The following TM9SF4 variants were observed in gnomAD, a reference collection of about 807,000 sequenced individuals.
The protein encoded by TM9SF4 is dinucleotide oxidase disulfide thiol exchanger 3 superfamily member 4.
In TM9SF4, 26 loss-of-function variants were observed where a neutral mutation model predicts 90.4. The observed-to-expected ratio is 0.29, with a 90% CI of 0.21 to 0.40. TM9SF4 has a LOEUF of 0.40. TM9SF4 is among the 10% of genes least tolerant of loss of function. The pLI, the probability that TM9SF4 is intolerant of heterozygous loss-of-function variation, is 1.00. For missense variants in TM9SF4, 549 were observed against 834.8 expected (o/e 0.66, Z 4.22); for synonymous variants, 293 against 315.4 (o/e 0.93, Z 0.75).
intron 3 of TM9SF4, 50 bp downstream of exon 3, chr20:32,136,223 G>A: frequency 6.4e-7 from 1 of 1,551,572 alleles, no homozygotes; most frequent in African/African-American, 1.4e-5. Context: ...GGGGAACCCA[G>A]CATGATTTTT....
At chr20:32,118,643 ATTTT>A (rs1254859888) in intron 1 of TM9SF4, among the ~76,000 whole-genome samples, 2 of 116,604 alleles carry the variant, frequency 1.7e-5, no homozygotes, top group Non-Finnish European at 3.7e-5. Context: ...TTATTTATTT[ATTTT>A]TATTTTGAGA....
At chr20:32,121,851 C>T (rs1440968304) in intron 1 of TM9SF4, among the ~76,000 whole-genome samples, 23 of 150,162 alleles carry the variant, frequency 1.5e-4, no homozygotes, top group Non-Finnish European at 2.8e-4. Context: ...CCACCTCCCT[C>T]CCGGACGGGG....
intron 2 of TM9SF4, among the ~76,000 whole-genome samples, chr20:32,134,216 T>TG (rs2046562701): frequency 6.6e-6 from 1 of 152,132 alleles, no homozygotes; most frequent in African/African-American, 2.4e-5. Context: ...AGAGCTGCTC[T>TG]GGCTTCCAGT....
At chr20:32,110,244 C>T (rs897815050) in intron 1 of TM9SF4, among the ~76,000 whole-genome samples, 5 of 152,096 alleles carry the variant, frequency 3.3e-5, no homozygotes, top group Admixed American at 6.6e-5. Flanking sequence ...AGAGCCCTGT[C>T]CTCACTTACA....
intron 6 of TM9SF4, among the ~76,000 whole-genome samples, chr20:32,143,841 C>T (rs2046718273): frequency 6.6e-6 from 1 of 152,126 alleles, no homozygotes; most frequent in African/African-American, 2.4e-5. Context: ...CTGGGAGCTT[C>T]CCGAGCGCAG....
At chr20:32,128,122 T>A (rs562020278) in intron 1 of TM9SF4, among the ~76,000 whole-genome samples, 7 of 152,244 alleles carry the variant, frequency 4.6e-5, no homozygotes, top group Non-Finnish European at 1.0e-4. Flanking sequence ...GATTGCCCAG[T>A]GCTGCACAGC....
intron 6 of TM9SF4, among the ~76,000 whole-genome samples, chr20:32,143,826 C>T (rs571388595): frequency 6.6e-6 from 1 of 152,094 alleles, no homozygotes; most frequent in East Asian, 1.9e-4. Context: ...CATAGCACAT[C>T]TCCCCTGGGA....
intron 17 of TM9SF4, among the ~76,000 whole-genome samples, chr20:32,164,993 G>GTT (rs1299264050): frequency 1.3e-5 from 2 of 152,184 alleles, no homozygotes; most frequent in Admixed American, 1.3e-4. Context: ...CCATGCGGGA[G>GTT]TGTTGCCATA....
chr20:32,136,239 G>T, intron 3 of TM9SF4, 66 bp downstream of exon 3: 1 of 1,453,380 alleles, frequency 6.9e-7, no homozygotes, highest in Non-Finnish European at 9.6e-7. Flanking sequence ...TTTTTATAAT[G>T]ATAACAACAG....
At chr20:32,138,267 C>T (rs1569076257) in intron 3 of TM9SF4, among the ~76,000 whole-genome samples, 1 of 152,034 alleles carries the variant, frequency 6.6e-6, no homozygotes, top group African/African-American at 2.4e-5. Context: ...GCAGGTGTTC[C>T]GGATAGAACC....
intron 17 of TM9SF4, among the ~76,000 whole-genome samples, chr20:32,163,119 G>A (rs139136691): frequency 0.012 from 1,848 of 151,574 alleles, 41 homozygotes; most frequent in African/African-American, 0.042. Flanking sequence ...GGTGGTGCAC[G>A]TCTGTAGTCC....
At chr20:32,159,967 C>G in intron 15 of TM9SF4, 25 bp from the exon 16 acceptor site, 1 of 1,614,058 alleles carries the variant, frequency 6.2e-7, no homozygotes, top group Non-Finnish European at 8.5e-7. Flanking sequence ...GTCAAGCCAG[C>G]TGAAGCCCCA....
chr20:32,127,024 G>T (rs1036796805), intron 1 of TM9SF4, among the ~76,000 whole-genome samples: 1 of 152,118 alleles, frequency 6.6e-6, no homozygotes, highest in Non-Finnish European at 1.5e-5. Context: ...ACGAGCCACC[G>T]CACCCAGCCT....
intron 13 of TM9SF4, 66 bp downstream of exon 13, chr20:32,155,252 C>A: frequency 7.5e-7 from 1 of 1,326,508 alleles, no homozygotes; most frequent in Non-Finnish European, 1.1e-6. Flanking sequence ...CTCAGCCCTA[C>A]TCCCAAAAGC....
At chr20:32,145,450 G>C in intron 8 of TM9SF4, 27 bp downstream of exon 8, 1 of 1,601,276 alleles carries the variant, frequency 6.2e-7, no homozygotes, top group Non-Finnish European at 8.6e-7. Flanking sequence ...TTGAGGGAAA[G>C]GGGATGGGGG....
chr20:32,141,919 C>T, intron 5 of TM9SF4, 24 bp downstream of exon 5: 1 of 1,613,610 alleles, frequency 6.2e-7, no homozygotes, highest in Non-Finnish European at 8.5e-7. Flanking sequence ...GGCGTGCTCA[C>T]AGGACCGGGA....
intron 3 of TM9SF4, among the ~76,000 whole-genome samples, chr20:32,138,389 G>GA (rs1569076449): frequency 6.6e-6 from 1 of 152,194 alleles, no homozygotes; most frequent in Non-Finnish European, 1.5e-5. Context: ...AGCACTTTGG[G>GA]AGGCCAGAGT....
At chr20:32,158,149 C>T (rs2046958100) in intron 14 of TM9SF4, among the ~76,000 whole-genome samples, 180 bp downstream of exon 14, 1 of 152,046 alleles carries the variant, frequency 6.6e-6, no homozygotes, top group Non-Finnish European at 1.5e-5. Context: ...TTGGTGTCAT[C>T]CTAGGAACCA....
At chr20:32,163,232 C>T (rs1247033425) in intron 17 of TM9SF4, among the ~76,000 whole-genome samples, 1 of 108,390 alleles carries the variant, frequency 9.2e-6, no homozygotes, top group Non-Finnish European at 1.7e-5. Flanking sequence ...GGTGACAGAG[C>T]AAGACTCCAT....
Sources: gnomAD v4.1 joint callset for allele counts (sites outside exome capture counted in the v4.1 genomes callset) on GRCh38, gnomAD v4.1.1 for gene constraint, MANE v1.5 for transcripts, NCBI Gene and HGNC (gene_info 2026-07-23, HGNC 2026-07-21) for gene names.